The following USP25 variants were observed in gnomAD, a reference collection of about 807,000 sequenced individuals.
USP25 encodes ubiquitin specific peptidase 25.
In USP25, 85 loss-of-function variants were observed where a neutral mutation model predicts 158.5. That is an observed-to-expected ratio of 0.54 (90% CI 0.45 to 0.64). The LOEUF (loss-of-function observed/expected upper bound fraction) is 0.64. USP25 is among the 30% of genes least tolerant of loss of function. USP25 has a pLI of 0.00. For synonymous variants in USP25, 464 were observed against 460.4 expected (o/e 1.01, Z -0.10); for missense variants, 1,242 against 1,327.3 (o/e 0.94, Z 1.00).
chr21:15,828,860 A>C (rs1010703315), intron 14 of USP25, among the ~76,000 whole-genome samples: 1 of 152,128 alleles, frequency 6.6e-6, no homozygotes, highest in African/African-American at 2.4e-5. Flanking sequence ...GGTGGTCTCA[A>C]TCTCTTGACC....
At chr21:15,782,524 T>C (rs8131640) in intron 4 of USP25, among the ~76,000 whole-genome samples, 79 of 152,314 alleles carry the variant, frequency 5.2e-4, no homozygotes, top group African/African-American at 1.8e-3. Flanking sequence ...TCTGGCCTGC[T>C]GCATCAGCAT....
At chr21:15,742,727 C>T (rs1012089267) in intron 1 of USP25, among the ~76,000 whole-genome samples, 10 of 152,184 alleles carry the variant, frequency 6.6e-5, no homozygotes, top group African/African-American at 2.4e-4. Flanking sequence ...AAGATTTTAT[C>T]GGTGCCACTT....
intron 5 of USP25, among the ~76,000 whole-genome samples, chr21:15,794,887 A>C (rs192929556): frequency 7.6e-4 from 115 of 151,706 alleles, no homozygotes; most frequent in Middle Eastern, 3.4e-3. Flanking sequence ...AATGAACCAA[A>C]AGGGAGCATG....
At chr21:15,806,108 T>A (rs545156043) in intron 7 of USP25, among the ~76,000 whole-genome samples, 73 of 152,188 alleles carry the variant, frequency 4.8e-4, no homozygotes, top group African/African-American at 1.5e-3. Context: ...GTTGCATTTT[T>A]AAAAAAAATT....
Position 15,875,743 on chromosome 21 carries a change from A to T in USP25, c.3009+1217A>T, listed in dbSNP as rs1019839176. Among the ~76,000 whole-genome samples the T allele has an allele frequency of 3.3e-5, 5 of 152,240 alleles. No homozygotes were observed. Among genetic ancestry groups the T allele is most frequent in the African/African-American group, 1.2e-4 (5 of 41,462 alleles). On this transcript the variant is annotated intron_variant, in intron 24 of 25. Transcript: ENST00000400183. The surrounding 1 kb of genome is among the most constrained non-coding windows in gnomAD (Gnocchi z 4.7). The stretch of plus-strand genomic sequence containing the variant: ...ACTGTGGCTATCCAGGTTATGAGGA[A>T]GTGGGGTAAGGTGGAAGTGATGAAG...
chr21:15,803,534 G>T (rs1023800094), intron 6 of USP25, among the ~76,000 whole-genome samples: 1 of 151,766 alleles, frequency 6.6e-6, no homozygotes, highest in Non-Finnish European at 1.5e-5. Flanking sequence ...GAAGAAAAAT[G>T]ATTTGACCAA....
At chr21:15,870,041 A>G (rs1217534259) in intron 22 of USP25, 27 bp from the exon 23 acceptor site, 9 of 1,543,764 alleles carry the variant, frequency 5.8e-6, no homozygotes, top group Non-Finnish European at 8.0e-6. Flanking sequence ...TACTCTGAAC[A>G]TTTTTAATAT....
intron 17 of USP25, 113 bp from the exon 18 acceptor site, chr21:15,842,285 A>G: frequency 2.6e-6 from 3 of 1,156,048 alleles, no homozygotes; most frequent in Non-Finnish European, 3.5e-6. Context: ...CTTTGAATGG[A>G]AGACTAAAAT....
chr21:15,765,993 GA>G lies in USP25; in HGVS notation c.124-2del. ...ACTTGATACTCCTTTCTTGATATTT[GA>G]AGGATAGTAATGGAAACTTGGAATT... On this transcript the variant is annotated splice_polypyrimidine_tract_variant and splice_region_variant and intron_variant, in intron 2 of 25. Coordinates refer to ENST00000400183, the MANE Select transcript of USP25 (RefSeq NM_001283041.3). 6.3e-7 allele frequency: 1 copy of G among 1,597,120 alleles called. No homozygotes were observed.
chr21:15,851,837 T>A (rs563508587), intron 20 of USP25, among the ~76,000 whole-genome samples: 1 of 152,198 alleles, frequency 6.6e-6, no homozygotes, highest in South Asian at 2.1e-4. Flanking sequence ...TTTCTCCTGA[T>A]CCATAACTAG....
chr21:15,763,652 A>G (rs996083654), intron 2 of USP25, among the ~76,000 whole-genome samples: 1 of 152,166 alleles, frequency 6.6e-6, no homozygotes, highest in Non-Finnish European at 1.5e-5. Context: ...TAAAAACAAT[A>G]TAGCATTTTT....
Position 15,832,006 on chromosome 21 carries a change from A to C in USP25, c.1993+377A>C, listed in dbSNP as rs370907158. Among the ~76,000 whole-genome samples the C allele has an allele frequency of 3.9e-5, 6 of 152,240 alleles. No individual in the cohort carries two copies. The East Asian group carries it at 5.8e-4, about 15-fold the overall frequency. The stretch of plus-strand genomic sequence containing the variant: ...GTGTTCCTTTTGAATTTATATCCTT[A>C]CTGAACTTCTTGCTGTATCTGCTCA... On this transcript the variant is annotated intron_variant, in intron 16 of 25. Transcript: ENST00000400183.
chr21:15,818,165 C>A (rs1050233001), intron 9 of USP25, among the ~76,000 whole-genome samples: 1 of 152,138 alleles, frequency 6.6e-6, no homozygotes, highest in African/African-American at 2.4e-5. Flanking sequence ...GCTTAAATGT[C>A]CTTTGCCATG....
intron 4 of USP25, among the ~76,000 whole-genome samples, chr21:15,786,967 A>G (rs1337908752): frequency 6.6e-6 from 1 of 152,118 alleles, no homozygotes; most frequent in African/African-American, 2.4e-5. Context: ...TCTATATGCT[A>G]ACGGTGAGTT....
At chr21:15,758,447 A>AT (rs2033527998) in intron 1 of USP25, among the ~76,000 whole-genome samples, 1 of 152,108 alleles carries the variant, frequency 6.6e-6, no homozygotes, top group Non-Finnish European at 1.5e-5. Flanking sequence ...AGATCTGATG[A>AT]TTTTATAAAG....
intron 22 of USP25, among the ~76,000 whole-genome samples, chr21:15,869,049 C>T (rs558721391): frequency 4.6e-5 from 7 of 152,016 alleles, no homozygotes; most frequent in Admixed American, 2.0e-4. Context: ...AATTTGAGAC[C>T]GGCCTGGCCA....
Position 15,847,708 on chromosome 21 carries a change from G to GT in USP25, c.2384dup (p.Glu796ArgfsTer13). The GT allele has an allele frequency of 6.5e-7, 1 of 1,550,214 alleles. No individual in the cohort carries two copies. The highest frequency in any genetic ancestry group is 8.7e-7 in the Non-Finnish European group (1 of 1,146,702). ...CCAACCACTTTCTAATCAGCGAGTT[G>GT]TAGAGGTGGCGATCCCTCATGTAGG... is the stretch of plus-strand genomic sequence containing the variant. On this transcript the variant is annotated frameshift_variant, in exon 19 of 26. Transcript: ENST00000400183. LOFTEE classifies it high-confidence loss of function.
At chr21:15,804,416 A>G (rs1273832467) in intron 6 of USP25, among the ~76,000 whole-genome samples, 1 of 151,444 alleles carries the variant, frequency 6.6e-6, no homozygotes, top group Non-Finnish European at 1.5e-5. Context: ...ATTGAATTAT[A>G]TTAAATATAA....
At chr21:15,791,266 T>C (rs936991391) in intron 4 of USP25, among the ~76,000 whole-genome samples, 4 of 151,966 alleles carry the variant, frequency 2.6e-5, no homozygotes, top group Non-Finnish European at 4.4e-5. Flanking sequence ...CTTTCTATTA[T>C]ATAAAACTGC....
Sources: gnomAD v4.1 joint callset for allele counts (sites outside exome capture counted in the v4.1 genomes callset) on GRCh38, gnomAD v4.1.1 for gene constraint, Gnocchi (gnomAD v3.1) non-coding constraint, MANE v1.5 for transcripts, NCBI Gene and HGNC (gene_info 2026-07-23, HGNC 2026-07-21) for gene names.